Variants in POU6F2 observed in about 807,000 individuals in gnomAD.
The protein encoded by POU6F2 is POU class 6 homeobox 2.
A neutral mutation model predicts 71.3 loss-of-function variants in POU6F2; 31 were observed. The ratio of observed to expected loss-of-function variants is 0.43; its 90% CI spans 0.33 to 0.59. The LOEUF is 0.59. Among genes scored for constraint, POU6F2 ranks in the 20% least tolerant of loss-of-function variants. The probability of loss-of-function intolerance (pLI) is 0.04; values close to 1 mark genes in which losing one functional copy is unlikely to be tolerated. For missense variants in POU6F2, 783 were observed against 856.8 expected, an observed-to-expected ratio of 0.91 and a Z score of 1.07; for synonymous variants, 347 against 355.7, an observed-to-expected ratio of 0.98 and a Z score of 0.27.
chr7:39,161,434 A>G (rs558083824), intron 2 of POU6F2, among the ~76,000 whole-genome samples: 2 of 152,302 alleles, frequency 1.3e-5, no homozygotes, highest in African/African-American at 4.8e-5. Flanking sequence ...AGAATTTAGT[A>G]TTTCTCCAGT....
chr7:39,046,358 G>A lies in POU6F2; in HGVS notation c.106-39502G>A, dbSNP rs78293598. Among the ~76,000 whole-genome samples, 361 of 151,808 alleles carry A rather than the reference G, an allele frequency of 2.4e-3. 9 individuals carry two copies. In the East Asian group the frequency reaches 0.044, roughly 18 times the overall value. On this transcript the variant is annotated intron_variant, in intron 1 of 9. Coordinates refer to ENST00000518318, the MANE Select transcript of POU6F2 (RefSeq NM_001370959.1). Reference sequence around the variant, plus strand: ...ATATTCTGGATACAAGCACTTTGTCGGAAATCTGATTTTCAAATATTTTCC... The same window carrying A: ...ATATTCTGGATACAAGCACTTTGTCAGAAATCTGATTTTCAAATATTTTCC...
intron 4 of POU6F2, among the ~76,000 whole-genome samples, chr7:39,240,909 T>G (rs1370855646): frequency 6.6e-6 from 1 of 152,138 alleles, no homozygotes; most frequent in Non-Finnish European, 1.5e-5. Flanking sequence ...AGACAGCATC[T>G]TTATTGGCTC....
At chr7:39,217,069 T>C (rs1415775674) in intron 4 of POU6F2, among the ~76,000 whole-genome samples, 1 of 152,204 alleles carries the variant, frequency 6.6e-6, no homozygotes, top group Non-Finnish European at 1.5e-5. Flanking sequence ...GAATACTTTC[T>C]ATTCATTAAG....
intron 6 of POU6F2, among the ~76,000 whole-genome samples, chr7:39,419,013 A>G (rs1172191068): frequency 8.0e-6 from 1 of 125,134 alleles, no homozygotes; most frequent in Non-Finnish European, 1.8e-5. Flanking sequence ...ATGTGTATAT[A>G]TGTATATATA....
intron 1 of POU6F2, among the ~76,000 whole-genome samples, chr7:38,985,104 TTTCTTAA>T (rs1422565982): frequency 2.0e-5 from 3 of 152,102 alleles, no homozygotes; most frequent in African/African-American, 7.2e-5. Context: ...AAAGTAGATA[TTTCTTAA>T]TTCTTCAGTT....
intron 1 of POU6F2, among the ~76,000 whole-genome samples, chr7:39,031,081 A>G (rs536889107): frequency 5.3e-5 from 8 of 152,132 alleles, no homozygotes; most frequent in Middle Eastern, 3.4e-3. Flanking sequence ...TTGTATTTTT[A>G]GTAGAAACGG....
At chr7:39,061,474 C>T (rs1463296355) in intron 1 of POU6F2, among the ~76,000 whole-genome samples, 1 of 152,086 alleles carries the variant, frequency 6.6e-6, no homozygotes, top group Non-Finnish European at 1.5e-5. Context: ...CATCCATTGA[C>T]CTATTTTGCA....
chr7:39,166,177 G>A (rs1429316059), intron 2 of POU6F2, among the ~76,000 whole-genome samples: 1 of 152,156 alleles, frequency 6.6e-6, no homozygotes, highest in African/African-American at 2.4e-5. Context: ...ATAAATAAAT[G>A]AATGAGTCTT....
At chr7:39,176,563 A>T (rs1330678411) in intron 2 of POU6F2, among the ~76,000 whole-genome samples, 2 of 152,200 alleles carry the variant, frequency 1.3e-5, no homozygotes, top group African/African-American at 4.8e-5. Flanking sequence ...AAAGATAGGG[A>T]GAGCCTTTTC....
chr7:39,190,915 A>G (rs59249283), intron 2 of POU6F2, among the ~76,000 whole-genome samples: 57,240 of 151,870 alleles, frequency 0.38, 11,130 homozygotes, highest in South Asian at 0.49. Context: ...GATTACAGGC[A>G]TGAACCACCA....
intron 5 of POU6F2, among the ~76,000 whole-genome samples, chr7:39,353,715 G>A (rs1359805886): frequency 6.6e-6 from 1 of 152,144 alleles, no homozygotes; most frequent in Non-Finnish European, 1.5e-5. Context: ...ATGGCTGATT[G>A]CCCAGCAGGA....
At chr7:39,015,452 A>G (rs1789455942) in intron 1 of POU6F2, among the ~76,000 whole-genome samples, 1 of 122,186 alleles carries the variant, frequency 8.2e-6, no homozygotes, top group South Asian at 2.3e-4. Context: ...TCTAATATAT[A>G]TTATTATATA....
At chr7:39,319,969 A>G (rs1488233621) in intron 4 of POU6F2, among the ~76,000 whole-genome samples, 3 of 152,222 alleles carry the variant, frequency 2.0e-5, no homozygotes, top group Non-Finnish European at 2.9e-5. Flanking sequence ...GCAATGCACT[A>G]TAGTGTCTGA....
rs565436250 is a variant in POU6F2 at position 39,366,378 on chromosome 7, A to G, written c.972+26363A>G. The stretch of plus-strand genomic sequence containing the variant: ...CACAAACACACACACACAGATGCAC[A>G]CACACTCTTCCCCCAGCAGTCATAA... On this transcript the variant is annotated intron_variant, in intron 5 of 9. Transcript: ENST00000518318. 2.0e-4 allele frequency among the ~76,000 whole-genome samples: 31 copies of G among 152,234 alleles called. No individual in the cohort carries two copies. In the South Asian group the frequency reaches 5.4e-3, roughly 27 times the overall value.
intron 1 of POU6F2, among the ~76,000 whole-genome samples, chr7:39,073,675 A>G (rs925315207): frequency 6.6e-6 from 1 of 152,252 alleles, no homozygotes; most frequent in Non-Finnish European, 1.5e-5. Flanking sequence ...GCAGAGAACG[A>G]GAGGAAAACT....
At chr7:39,026,108 C>T (rs111281952) in intron 1 of POU6F2, among the ~76,000 whole-genome samples, 3,280 of 151,746 alleles carry the variant, frequency 0.022, 108 homozygotes, top group African/African-American at 0.073. Context: ...CAACAGGTGC[C>T]GGAGAGGATG....
chr7:39,246,450 G>A lies in POU6F2; in HGVS notation c.598+38830G>A, dbSNP rs181242849. On this transcript the variant is annotated intron_variant, in intron 4 of 9. Transcript: ENST00000518318. ...TTTAAGCTGACCCCCTACTGAAAGC[G>A]ACTTTTAAGGAACATTAGTGGAAGA... Among the ~76,000 whole-genome samples, 45 of 152,242 alleles carry A rather than the reference G, an allele frequency of 3.0e-4. 1 individual carries two copies. The East Asian group carries it at 8.1e-3, about 27-fold the overall frequency.
chr7:39,202,539 T>C (rs1172469145), intron 2 of POU6F2, among the ~76,000 whole-genome samples: 1 of 152,180 alleles, frequency 6.6e-6, no homozygotes, highest in African/African-American at 2.4e-5. Flanking sequence ...TGAAACCTCA[T>C]AAGCTCTTTG....
At chr7:39,006,924 T>A (rs1461947124) in intron 1 of POU6F2, 2 of 1,525,128 alleles carry the variant, frequency 1.3e-6, no homozygotes, top group Non-Finnish European at 1.8e-6. Context: ...AAATTTATAA[T>A]CTGTGAGTTT....
Sources: gnomAD v4.1 joint callset for allele counts (sites outside exome capture counted in the v4.1 genomes callset) on GRCh38, gnomAD v4.1.1 for gene constraint, MANE v1.5 for transcripts, NCBI Gene and HGNC (gene_info 2026-07-23, HGNC 2026-07-21) for gene names.